Variants in PPP1R12B observed in about 807,000 individuals in gnomAD.
PPP1R12B encodes the protein protein phosphatase 1 regulatory subunit 12B.
PPP1R12B carries 76 observed loss-of-function variants against 126.1 expected under a neutral mutation model. That is an observed-to-expected ratio of 0.60 (90% confidence interval 0.50 to 0.73). PPP1R12B has a LOEUF of 0.73. Among genes scored for constraint, PPP1R12B ranks in the 30% least tolerant of loss-of-function variants. The probability of loss-of-function intolerance (pLI) is 0.00; values close to 1 mark genes in which losing one functional copy is unlikely to be tolerated. For synonymous variants in PPP1R12B, 356 were observed against 434.7 expected, an observed-to-expected ratio of 0.82 and a Z score of 2.25; for missense variants, 1,052 against 1,205.1, an observed-to-expected ratio of 0.87 and a Z score of 1.88.
At chr1:202,391,143 G>T (rs1255139273) in intron 1 of PPP1R12B, among the ~76,000 whole-genome samples, 1 of 151,902 alleles carries the variant, frequency 6.6e-6, no homozygotes, top group Non-Finnish European at 1.5e-5. Context: ...CTTGTATCTA[G>T]AATATATAAA....
chr1:202,501,880 C>T, intron 18 of PPP1R12B: 4 of 985,062 alleles, frequency 4.1e-6, no homozygotes, highest in Non-Finnish European at 4.8e-6. Flanking sequence ...TTCGAATTGA[C>T]TTGCTAGTAG....
At chr1:202,353,467 T>C (rs993866073) in intron 1 of PPP1R12B, among the ~76,000 whole-genome samples, 6 of 152,230 alleles carry the variant, frequency 3.9e-5, no homozygotes, top group East Asian at 1.9e-4. Context: ...TCAGACTATG[T>C]TGGACCTCAA....
At chr1:202,446,256 A>ATATATATATT (rs376183502) in intron 12 of PPP1R12B, among the ~76,000 whole-genome samples, 15 of 54,336 alleles carry the variant, frequency 2.8e-4, no homozygotes, top group Middle Eastern at 0.014. Flanking sequence ...ATATATATAT[A>ATATATATATT]TTTTTTTTTT....
At chr1:202,405,299 CT>C (rs1267506312) in intron 1 of PPP1R12B, among the ~76,000 whole-genome samples, 1 of 152,194 alleles carries the variant, frequency 6.6e-6, no homozygotes, top group African/African-American at 2.4e-5. Context: ...ATTGTTTTTC[CT>C]TTCCTCTAAT....
At chr1:202,414,817 T>G (rs990489846) in intron 1 of PPP1R12B, among the ~76,000 whole-genome samples, 2 of 152,232 alleles carry the variant, frequency 1.3e-5, no homozygotes, top group Non-Finnish European at 2.9e-5. Flanking sequence ...AGACATGGTC[T>G]TGCCCTGTCA....
intron 22 of PPP1R12B, among the ~76,000 whole-genome samples, chr1:202,568,852 C>CA (rs1181999116): frequency 6.6e-6 from 1 of 152,200 alleles, no homozygotes; most frequent in Non-Finnish European, 1.5e-5. Flanking sequence ...ATGAAATCTT[C>CA]AACCTGCACA....
intron 18 of PPP1R12B, among the ~76,000 whole-genome samples, chr1:202,535,958 A>C (rs1323813161): frequency 6.6e-6 from 1 of 152,208 alleles, no homozygotes; most frequent in Non-Finnish European, 1.5e-5. Context: ...TGTTCCTGCA[A>C]GTGTCTCAAA....
chr1:202,452,584 G>A (rs1303028455), intron 13 of PPP1R12B, among the ~76,000 whole-genome samples: 1 of 151,864 alleles, frequency 6.6e-6, no homozygotes, highest in Non-Finnish European at 1.5e-5. Context: ...GAGGAGGAGG[G>A]GGAGGGGGAG....
In PPP1R12B at chr1:202,495,328, A is replaced by G; in HGVS notation, c.2181A>G (p.Pro727=). ...ATCGCCTGAGGTGCCCAGCTCAGCC[A>G]GACAAACCCACCACGCCAGCATCTC... ...ICHRLRCPAQ[P]DKPTTPASPS... The change falls in exon 16 of 24, where the codon CCA becomes CCG. Residue 727 remains proline (P), a synonymous_variant. Coordinates refer to ENST00000608999, the MANE Select transcript of PPP1R12B (RefSeq NM_002481.4). 6.3e-7 allele frequency: 1 copy of G among 1,587,034 alleles called. No individual in the cohort carries two copies. The highest frequency in any genetic ancestry group is 8.6e-7 in the Non-Finnish European group (1 of 1,168,116).
In PPP1R12B at chr1:202,584,002, G is replaced by A. The variant is rs1159586009; in HGVS notation, c.*3442G>A. 1 of 152,156 alleles carries A rather than the reference G, an allele frequency of 6.6e-6. No homozygotes were observed. The highest frequency in any genetic ancestry group is 1.5e-5 in the Non-Finnish European group (1 of 68,036). 9.4% of individuals were successfully genotyped at this position (152,156 alleles called of 1,614,324 possible). A position where few individuals can be genotyped will look rare whatever the true frequency, so the allele number is the denominator to read the frequency against. Reference sequence around the variant, plus strand: ...TCTGGGGCTAAAGTTTGTTTTTCCAGGGCTGCTGATCCTTTTCCAGATAGC... The same window carrying A: ...TCTGGGGCTAAAGTTTGTTTTTCCAAGGCTGCTGATCCTTTTCCAGATAGC... On this transcript the variant is annotated 3_prime_UTR_variant, in exon 24 of 24. Coordinates refer to ENST00000608999, the MANE Select transcript of PPP1R12B (RefSeq NM_002481.4).
At chr1:202,500,847 T>C (rs1209746480) in intron 18 of PPP1R12B, among the ~76,000 whole-genome samples, 1 of 152,242 alleles carries the variant, frequency 6.6e-6, no homozygotes. Flanking sequence ...CGTACTATTA[T>C]AATGCATCAA....
At chr1:202,443,701 TATTCATTATAGTTGAATCC>T (rs1157487357) in intron 12 of PPP1R12B, among the ~76,000 whole-genome samples, 1 of 152,372 alleles carries the variant, frequency 6.6e-6, no homozygotes, top group East Asian at 1.9e-4. Context: ...GATGCATTAT[TATTCATTATAGTTGAATCC>T]AAGATCAAGA....
At chr1:202,357,750 G>C (rs1657378069) in intron 1 of PPP1R12B, among the ~76,000 whole-genome samples, 1 of 152,118 alleles carries the variant, frequency 6.6e-6, no homozygotes, top group South Asian at 2.1e-4. Flanking sequence ...TGATAGGGAG[G>C]TTAGTACCAA....
chr1:202,572,332 A>C (rs1188317252), intron 23 of PPP1R12B, among the ~76,000 whole-genome samples: 3 of 152,168 alleles, frequency 2.0e-5, no homozygotes, highest in Non-Finnish European at 1.5e-5. Context: ...TGAACCCTTA[A>C]AAATATAGTA....
intron 18 of PPP1R12B, among the ~76,000 whole-genome samples, chr1:202,551,904 G>A (rs1686369275): frequency 6.6e-6 from 1 of 152,188 alleles, no homozygotes; most frequent in Non-Finnish European, 1.5e-5. Flanking sequence ...AACCTCACAG[G>A]ACTGGATTCC....
At chr1:202,475,590 CAGG>C (rs1264503117) in intron 13 of PPP1R12B, among the ~76,000 whole-genome samples, 2 of 152,160 alleles carry the variant, frequency 1.3e-5, no homozygotes, top group Non-Finnish European at 2.9e-5. Context: ...GTACCTGAAG[CAGG>C]AGAACATGGT....
intron 13 of PPP1R12B, among the ~76,000 whole-genome samples, chr1:202,451,501 C>G (rs1489161468): frequency 6.7e-6 from 1 of 149,736 alleles, no homozygotes; most frequent in Non-Finnish European, 1.5e-5. Flanking sequence ...GGTCATAGAT[C>G]AACAGGATCC....
intron 1 of PPP1R12B, among the ~76,000 whole-genome samples, chr1:202,404,982 TTAC>T (rs1467473271): frequency 6.6e-6 from 1 of 152,252 alleles, no homozygotes; most frequent in East Asian, 1.9e-4. Context: ...TCATTTTTTA[TTAC>T]TACATCTCCA....
intron 8 of PPP1R12B, among the ~76,000 whole-genome samples, chr1:202,432,894 C>G (rs552362752): frequency 5.8e-4 from 88 of 152,274 alleles, no homozygotes; most frequent in African/African-American, 1.9e-3. Context: ...TGTTGTCTGG[C>G]CACCAGCTCC....
Sources: allele counts gnomAD v4.1 joint callset (sites outside exome capture counted in the v4.1 genomes callset), GRCh38; gene constraint gnomAD v4.1.1; transcripts MANE v1.5; gene names NCBI Gene and HGNC (gene_info 2026-07-23, HGNC 2026-07-21).